The following RABGAP1L variants were observed in gnomAD, a reference collection of about 807,000 sequenced individuals.
RABGAP1L encodes the protein rab GTPase-activating protein 1-like.
Under a neutral mutation model 137.7 loss-of-function variants are expected in RABGAP1L, and 63 were observed. The ratio of observed to expected loss-of-function variants is 0.46; its 90% CI spans 0.37 to 0.56. The LOEUF is 0.56. Among genes scored for constraint, RABGAP1L ranks in the 20% least tolerant of loss-of-function variants. RABGAP1L has a pLI of 0.00. For synonymous variants in RABGAP1L, 431 were observed against 433.7 expected (o/e 0.99, Z 0.08); for missense variants, 1,095 against 1,244.0 (o/e 0.88, Z 1.80).
chr1:174,550,859 T>TATAG (rs1359038105), intron 13 of RABGAP1L, among the ~76,000 whole-genome samples: 10 of 33,806 alleles, frequency 3.0e-4, no homozygotes, highest in Admixed American at 2.8e-3. Flanking sequence ...CTCTGCTAAA[T>TATAG]ATATATATAT....
chr1:174,612,848 G>C (rs1194537810), intron 13 of RABGAP1L, among the ~76,000 whole-genome samples: 1 of 152,118 alleles, frequency 6.6e-6, no homozygotes, highest in Non-Finnish European at 1.5e-5. Context: ...TTGCGTAGAG[G>C]TATTTGTAGT....
chr1:174,760,017 T>G (rs371833422), intron 18 of RABGAP1L, among the ~76,000 whole-genome samples: 2 of 152,254 alleles, frequency 1.3e-5, no homozygotes, highest in African/African-American at 4.8e-5. Flanking sequence ...TATGATTAGT[T>G]TAGATCATGC....
intron 18 of RABGAP1L, chr1:174,800,485 G>A (rs1688658257): frequency 3.9e-6 from 6 of 1,550,696 alleles, no homozygotes; most frequent in Middle Eastern, 1.7e-4. Flanking sequence ...GTCTGTTTGT[G>A]CCTCGGCTTC....
intron 13 of RABGAP1L, among the ~76,000 whole-genome samples, chr1:174,451,778 A>G (rs986710174): frequency 1.4e-4 from 21 of 152,016 alleles, no homozygotes; most frequent in African/African-American, 5.1e-4. Flanking sequence ...TTGATCTTAA[A>G]AGTTTCTTTT....
At chr1:174,380,369 G>T (rs984824137) in intron 12 of RABGAP1L, among the ~76,000 whole-genome samples, 1 of 151,824 alleles carries the variant, frequency 6.6e-6, no homozygotes, top group Non-Finnish European at 1.5e-5. Context: ...AATGGTACCG[G>T]TTCCTCCTTG....
intron 18 of RABGAP1L, among the ~76,000 whole-genome samples, chr1:174,756,307 G>A (rs1403639543): frequency 6.6e-6 from 1 of 151,966 alleles, no homozygotes; most frequent in African/African-American, 2.4e-5. Context: ...AAGCCACCAA[G>A]CCCTGCTAAA....
At chr1:174,171,662 T>C (rs1211412021) in intron 1 of RABGAP1L, among the ~76,000 whole-genome samples, 1 of 150,632 alleles carries the variant, frequency 6.6e-6, no homozygotes, top group Non-Finnish European at 1.5e-5. Context: ...CCCTGGTAAC[T>C]GTGGCTATAC....
intron 1 of RABGAP1L, among the ~76,000 whole-genome samples, chr1:174,173,729 G>A (rs1665599542): frequency 1.3e-5 from 2 of 151,610 alleles, no homozygotes; most frequent in African/African-American, 4.8e-5. Context: ...GATTGTTGAA[G>A]AGCTGACAGT....
At chr1:174,341,822 C>G (rs1300369792) in intron 11 of RABGAP1L, among the ~76,000 whole-genome samples, 5 of 152,062 alleles carry the variant, frequency 3.3e-5, no homozygotes, top group African/African-American at 1.2e-4. Flanking sequence ...TACATATCTA[C>G]ATGCAAAGTA....
chr1:174,981,550 C>CTTTATTTTTTTTTT (rs1671112369), intron 23 of RABGAP1L, among the ~76,000 whole-genome samples: 1 of 66,406 alleles, frequency 1.5e-5, no homozygotes, highest in Non-Finnish European at 2.6e-5. Context: ...GTTTTTCCAT[C>CTTTATTTTTTTTTT]TTTTTTTTTT....
At chr1:174,982,052 T>C (rs1671182328) in intron 23 of RABGAP1L, among the ~76,000 whole-genome samples, 1 of 152,226 alleles carries the variant, frequency 6.6e-6, no homozygotes, top group Non-Finnish European at 1.5e-5. Flanking sequence ...GTTTTTAATT[T>C]CTATGCTATG....
At chr1:174,906,753 T>A (rs951008854) in intron 19 of RABGAP1L, among the ~76,000 whole-genome samples, 2 of 151,646 alleles carry the variant, frequency 1.3e-5, no homozygotes, top group Non-Finnish European at 2.9e-5. Flanking sequence ...CTCTCAAAGA[T>A]CAAAGATAAG....
intron 14 of RABGAP1L, among the ~76,000 whole-genome samples, chr1:174,641,879 C>T (rs1674557860): frequency 6.6e-6 from 1 of 152,126 alleles, no homozygotes. Flanking sequence ...AATCCTGCGT[C>T]AGTTATTAGC....
intron 19 of RABGAP1L, among the ~76,000 whole-genome samples, chr1:174,852,235 G>A (rs1648487076): frequency 6.6e-6 from 1 of 152,168 alleles, no homozygotes; most frequent in Non-Finnish European, 1.5e-5. Flanking sequence ...ATTCAAGAGT[G>A]TGGGGAATTG....
At chr1:174,490,155 G>A (rs1487234665) in intron 13 of RABGAP1L, among the ~76,000 whole-genome samples, 1 of 152,004 alleles carries the variant, frequency 6.6e-6, no homozygotes, top group South Asian at 2.1e-4. Context: ...ATATTCTTTG[G>A]TGTCTGGACA....
At chr1:174,893,031 C>A in intron 19 of RABGAP1L, 1 of 256,478 alleles carries the variant, frequency 3.9e-6, no homozygotes. Context: ...CAGGCATGAG[C>A]CACCACGCCC....
At chr1:174,958,003 C>G (rs1471092265) in intron 20 of RABGAP1L, 9 of 1,550,452 alleles carry the variant, frequency 5.8e-6, no homozygotes, top group African/African-American at 1.4e-5. Flanking sequence ...AAAAATGAAA[C>G]AAAAAGGAAA....
At chr1:174,482,324 A>G (rs1368713706) in intron 13 of RABGAP1L, among the ~76,000 whole-genome samples, 3 of 152,234 alleles carry the variant, frequency 2.0e-5, no homozygotes, top group Admixed American at 2.0e-4. Context: ...CAAAGGGATA[A>G]GTAAAATAGG....
rs565391220 is a variant in RABGAP1L at position 174,347,697 on chromosome 1, T to C, written c.1466-23282T>C. ...TTTTAGTGGAGATGCGGTTTCACCGTGTTAGCCAGGATGGTCTCGATCTCC... is the reference window on the plus strand; with the variant it reads ...TTTTAGTGGAGATGCGGTTTCACCGCGTTAGCCAGGATGGTCTCGATCTCC... On this transcript the variant is annotated intron_variant, in intron 11 of 25. Coordinates refer to ENST00000681986, the MANE Select transcript of RABGAP1L (RefSeq NM_001366446.1). 2.0e-3 allele frequency among the ~76,000 whole-genome samples: 306 copies of C among 152,278 alleles called. 1 individual carries two copies. The highest frequency in any genetic ancestry group is 7.0e-3 in the African/African-American group (289 of 41,548).
Sources: gnomAD v4.1 joint callset for allele counts (sites outside exome capture counted in the v4.1 genomes callset) on GRCh38, gnomAD v4.1.1 for gene constraint, MANE v1.5 for transcripts, NCBI Gene and HGNC (gene_info 2026-07-23, HGNC 2026-07-21) for gene names.